The following ITSN1 variants were observed in gnomAD, a reference collection of about 807,000 sequenced individuals.
The protein encoded by ITSN1 is intersectin-1.
A neutral mutation model predicts 239.8 loss-of-function variants in ITSN1; 58 were observed. The observed-to-expected ratio is 0.24, with a 90% CI of 0.20 to 0.30. The LOEUF (loss-of-function observed/expected upper bound fraction) is 0.30, where lower values mean the gene tolerates loss of function less well. Among genes scored for constraint, ITSN1 ranks in the 10% least tolerant of loss-of-function variants. The pLI, the probability that ITSN1 is intolerant of heterozygous loss-of-function variation, is 1.00. For missense variants in ITSN1, 1,558 were observed against 2,103.3 expected, an observed-to-expected ratio of 0.74 and a Z score of 5.07; for synonymous variants, 780 against 770.8, an observed-to-expected ratio of 1.01 and a Z score of -0.20.
intron 5 of ITSN1, 87 bp from the exon 6 acceptor site, chr21:33,750,055 AT>A (rs1427306183): frequency 3.2e-5 from 40 of 1,230,814 alleles, no homozygotes; most frequent in East Asian, 2.5e-5. Context: ...CTGGAAAGTG[AT>A]TTTCTTTAAG....
At chr21:33,679,759 A>G (rs2090827901) in intron 1 of ITSN1, among the ~76,000 whole-genome samples, 2 of 125,614 alleles carry the variant, frequency 1.6e-5, no homozygotes, top group Non-Finnish European at 3.1e-5. Flanking sequence ...GCTGGAGTGC[A>G]GTGGCAGAGC....
chr21:33,708,988 CTTCTT>C (rs1264693301), intron 1 of ITSN1, among the ~76,000 whole-genome samples: 2 of 152,138 alleles, frequency 1.3e-5, no homozygotes, highest in African/African-American at 4.8e-5. Flanking sequence ...TTTCTGAACT[CTTCTT>C]TTCTGTTTTA....
At position 33,797,685 on chromosome 21, in the gene ITSN1, A is replaced by C. The variant is rs2071668752; in HGVS notation, c.2182+77A>C. ...GCCTCCTGAAAAATGCCCCTATCTC[A>C]TCAGTACCTGTCTTGGCTACATTAA... is the stretch of plus-strand genomic sequence containing the variant. On this transcript the variant is annotated intron_variant, in intron 18 of 39. Transcript: ENST00000381318. This position sits in a 1 kb window ranked among gnomAD's most constrained non-coding sequence, Gnocchi z 4.9. 92 of 1,105,752 alleles carry C rather than the reference A, an allele frequency of 8.3e-5. No homozygotes were observed. Among genetic ancestry groups the C allele is most frequent in the Middle Eastern group, 2.0e-4 (1 of 4,960 alleles). The allele number at this position is 1,105,752 out of a possible 1,614,324, so 68.5% of individuals were successfully genotyped here.
At chr21:33,704,943 A>T (rs1367792885) in intron 1 of ITSN1, among the ~76,000 whole-genome samples, 2 of 148,138 alleles carry the variant, frequency 1.4e-5, no homozygotes, top group Non-Finnish European at 3.0e-5. Flanking sequence ...AAAAAAAAAA[A>T]AAAATACAAA....
At chr21:33,870,098 C>T (rs964404678) in intron 33 of ITSN1, among the ~76,000 whole-genome samples, 1 of 152,202 alleles carries the variant, frequency 6.6e-6, no homozygotes, top group African/African-American at 2.4e-5. Context: ...ATCTCCCTCC[C>T]ACATAAGCCA....
chr21:33,788,829 A>C (rs558842783), intron 16 of ITSN1, among the ~76,000 whole-genome samples: 1 of 152,192 alleles, frequency 6.6e-6, no homozygotes, highest in Admixed American at 6.5e-5. Flanking sequence ...AGCCTGGTAC[A>C]GTGACATATA....
intron 1 of ITSN1, among the ~76,000 whole-genome samples, chr21:33,668,551 G>A (rs1273635043): frequency 1.3e-5 from 2 of 152,200 alleles, no homozygotes; most frequent in Non-Finnish European, 2.9e-5. Flanking sequence ...GACCTTTGCT[G>A]GGGTAAAGTG....
chr21:33,886,960 G>C (rs1985894205), intron 39 of ITSN1, among the ~76,000 whole-genome samples: 1 of 152,078 alleles, frequency 6.6e-6, no homozygotes, highest in African/African-American at 2.4e-5. Flanking sequence ...GTTTCTGCTT[G>C]GGCCTGGAAA....
intron 22 of ITSN1, chr21:33,817,968 C>T: frequency 2.4e-6 from 1 of 415,852 alleles, no homozygotes; most frequent in South Asian, 3.5e-5. Context: ...ATATAAAGGG[C>T]ACACAGCCAG....
Position 33,885,136 on chromosome 21 carries a change from C to T in ITSN1, c.4759+13C>T. 1 of 1,607,994 alleles carries T rather than the reference C, an allele frequency of 6.2e-7. No individual in the cohort carries two copies. The highest frequency in any genetic ancestry group is 8.5e-7 in the Non-Finnish European group (1 of 1,174,872). On this transcript the variant is annotated intron_variant, in intron 37 of 39. Coordinates refer to ENST00000381318, the MANE Select transcript of ITSN1 (RefSeq NM_003024.3). ...AAAGCGTACCTGGGTAATGCATGGC[C>T]CCGCGGGGTGTCCTGCACAGCTGGG...
At chr21:33,795,003 TACTTGTA>T (rs2071423351) in intron 17 of ITSN1, among the ~76,000 whole-genome samples, 1 of 152,270 alleles carries the variant, frequency 6.6e-6, no homozygotes, top group African/African-American at 2.4e-5. Context: ...TTTTTATTTT[TACTTGTA>T]ACTTACTGTA....
intron 1 of ITSN1, among the ~76,000 whole-genome samples, chr21:33,687,442 A>T (rs1379274898): frequency 6.7e-6 from 1 of 149,248 alleles, no homozygotes; most frequent in East Asian, 2.0e-4. Flanking sequence ...TTTTCAAGCC[A>T]CATTAGGATG....
chr21:33,731,527 G>A (rs1643575404), intron 4 of ITSN1, among the ~76,000 whole-genome samples: 1 of 152,204 alleles, frequency 6.6e-6, no homozygotes, highest in South Asian at 2.1e-4. Flanking sequence ...AAAGCAACCA[G>A]AAGCCAGTTT....
chr21:33,715,025 TTTCTTAA>T (rs1439623251), intron 1 of ITSN1, among the ~76,000 whole-genome samples: 1 of 152,098 alleles, frequency 6.6e-6, no homozygotes, highest in Non-Finnish European at 1.5e-5. Context: ...AATTTAGCCA[TTTCTTAA>T]TAAAATTATA....
At chr21:33,821,204 A>G (rs1476735425) in intron 24 of ITSN1, among the ~76,000 whole-genome samples, 1 of 152,218 alleles carries the variant, frequency 6.6e-6, no homozygotes, top group African/African-American at 2.4e-5. Flanking sequence ...TGAGGACTCA[A>G]TAAATAGGTC....
intron 16 of ITSN1, among the ~76,000 whole-genome samples, chr21:33,788,750 A>G (rs528539959): frequency 4.6e-5 from 7 of 152,192 alleles, no homozygotes; most frequent in Admixed American, 2.0e-4. Context: ...TAAATAAATG[A>G]ATAACCAATC....
chr21:33,714,497 T>G (rs2092512389), intron 1 of ITSN1, among the ~76,000 whole-genome samples: 1 of 152,166 alleles, frequency 6.6e-6, no homozygotes, highest in Non-Finnish European at 1.5e-5. Context: ...TAACAAATAG[T>G]CTTAGGTGCT....
chr21:33,769,397 A>T (rs924508295), intron 11 of ITSN1, among the ~76,000 whole-genome samples: 11 of 152,178 alleles, frequency 7.2e-5, no homozygotes, highest in Non-Finnish European at 1.6e-4. Flanking sequence ...AGAGTTTTTT[A>T]AATTGAGATG....
chr21:33,757,574 A>G (rs935319138), intron 8 of ITSN1, among the ~76,000 whole-genome samples: 1 of 152,164 alleles, frequency 6.6e-6, no homozygotes, highest in African/African-American at 2.4e-5. Context: ...GTACTTAGGA[A>G]TCAATATGAA....
Sources: gnomAD v4.1 joint callset for allele counts (sites outside exome capture counted in the v4.1 genomes callset) on GRCh38, gnomAD v4.1.1 for gene constraint, Gnocchi (gnomAD v3.1) non-coding constraint, MANE v1.5 for transcripts, NCBI Gene and HGNC (gene_info 2026-07-23, HGNC 2026-07-21) for gene names.